Variants in SV2C observed in about 807,000 individuals in gnomAD.
SV2C encodes synaptic vesicle glycoprotein 2C, also known as solute carrier family 22 member B3.
A neutral mutation model predicts 79.7 loss-of-function variants in SV2C; 49 were observed. The observed-to-expected ratio is 0.61, with a 90% CI of 0.49 to 0.78. The LOEUF (loss-of-function observed/expected upper bound fraction) is 0.78. SV2C is among the 30% of genes least tolerant of loss of function. SV2C has a pLI of 0.00. For missense variants in SV2C, 833 were observed against 912.9 expected (o/e 0.91, Z 1.13); for synonymous variants, 334 against 333.2 (o/e 1.00, Z -0.03).
chr5:76,208,998 T>C (rs550826460), intron 3 of SV2C, among the ~76,000 whole-genome samples: 1 of 152,322 alleles, frequency 6.6e-6, no homozygotes, highest in South Asian at 2.1e-4. Context: ...TAGAGGTCAC[T>C]GTTTCTGTCA....
chr5:75,861,771 C>T, the SV2C span, among the ~76,000 whole-genome samples: 2 of 152,154 alleles, frequency 1.3e-5, no homozygotes, highest in Non-Finnish European at 2.9e-5. Context: ...ACATTGGGTA[C>T]TCAGGGACAT....
chr5:76,258,981 T>C (rs1358972404), intron 4 of SV2C, among the ~76,000 whole-genome samples: 3 of 152,244 alleles, frequency 2.0e-5, no homozygotes, highest in Non-Finnish European at 4.4e-5. Context: ...GCTCTGTAGT[T>C]TGTTCCTTTT....
chr5:76,294,683 T>C (rs912683866), intron 8 of SV2C, among the ~76,000 whole-genome samples: 2 of 152,336 alleles, frequency 1.3e-5, no homozygotes, highest in Non-Finnish European at 1.5e-5. Context: ...GTATTTTATA[T>C]TTATAGTATA....
chr5:76,032,979 G>A, the SV2C span, among the ~76,000 whole-genome samples: 107 of 152,222 alleles, frequency 7.0e-4, 2 homozygotes, highest in East Asian at 0.02. Flanking sequence ...GTTTTGATTT[G>A]CATTTCTCTG....
intron 1 of SV2C, among the ~76,000 whole-genome samples, chr5:76,113,011 A>G (rs1240811781): frequency 6.6e-6 from 1 of 152,202 alleles, no homozygotes; most frequent in Non-Finnish European, 1.5e-5. Flanking sequence ...AAGGCATTGG[A>G]ATCTGTTTTT....
the SV2C span, among the ~76,000 whole-genome samples, chr5:75,996,201 A>G: frequency 6.6e-6 from 1 of 152,162 alleles, no homozygotes; most frequent in African/African-American, 2.4e-5. Flanking sequence ...CTTTCTACAT[A>G]TGGCTAGCCA....
the SV2C span, among the ~76,000 whole-genome samples, chr5:76,010,524 CT>C: frequency 1.3e-5 from 2 of 152,082 alleles, no homozygotes; most frequent in Non-Finnish European, 2.9e-5. Context: ...AAGAAATCAT[CT>C]TTTTCCTCCT....
At chr5:76,318,657 G>A (rs568256631) in intron 12 of SV2C, among the ~76,000 whole-genome samples, 6 of 152,270 alleles carry the variant, frequency 3.9e-5, no homozygotes, top group African/African-American at 1.2e-4. Flanking sequence ...CAAGGCAGCT[G>A]CAGTCACAGG....
the SV2C span, among the ~76,000 whole-genome samples, chr5:75,962,974 T>A: frequency 6.6e-6 from 1 of 152,020 alleles, no homozygotes; most frequent in Admixed American, 6.6e-5. Flanking sequence ...GTTAATATCA[T>A]CACCTGCTCA....
chr5:75,942,854 T>A, the SV2C span, among the ~76,000 whole-genome samples: 2 of 152,140 alleles, frequency 1.3e-5, no homozygotes, highest in Non-Finnish European at 2.9e-5. Flanking sequence ...GTTGACACTG[T>A]GTTAATCGAA....
intron 2 of SV2C, among the ~76,000 whole-genome samples, chr5:76,194,335 G>T (rs1433002700): frequency 6.6e-6 from 1 of 152,178 alleles, no homozygotes; most frequent in South Asian, 2.1e-4. Context: ...CTTCTGAGAG[G>T]CATGAGCGGC....
chr5:75,998,630 G>T, the SV2C span, among the ~76,000 whole-genome samples: 2 of 151,932 alleles, frequency 1.3e-5, no homozygotes, highest in African/African-American at 4.8e-5. Context: ...GTGTGAGTGT[G>T]TATGTGAGTG....
At chr5:76,123,529 A>G (rs1290608145) in intron 1 of SV2C, among the ~76,000 whole-genome samples, 2 of 152,202 alleles carry the variant, frequency 1.3e-5, no homozygotes, top group African/African-American at 2.4e-5. Context: ...CTTATCCACC[A>G]TGATCAAGTG....
At chr5:76,139,118 CA>C (rs35031412) in intron 2 of SV2C, among the ~76,000 whole-genome samples, 24,938 of 131,338 alleles carry the variant, frequency 0.19, 2,174 homozygotes, top group East Asian at 0.41. Flanking sequence ...GACTCCATCT[CA>C]AAAAAAAAAA....
chr5:75,968,669 G>A, the SV2C span, among the ~76,000 whole-genome samples: 2 of 152,192 alleles, frequency 1.3e-5, no homozygotes, highest in Non-Finnish European at 2.9e-5. Flanking sequence ...AGAAATATGG[G>A]ACTATGTGAA....
intron 4 of SV2C, among the ~76,000 whole-genome samples, chr5:76,225,679 A>G (rs1180698206): frequency 1.3e-5 from 2 of 152,180 alleles, no homozygotes; most frequent in African/African-American, 2.4e-5. Context: ...AGTCTTTCCA[A>G]TGATTAGTAG....
In SV2C at chr5:76,243,012, TAAAAAAAAAAA is replaced by T. The variant is rs559052290; in HGVS notation, c.913+33143_913+33153del. ...CTGTGCAACAGATCGAGACCCCATC[TAAAAAAAAAAA>T]AAAAAAAAAAAAAAAAAGACAAAAA... On this transcript the variant is annotated intron_variant, in intron 4 of 12. Coordinates refer to ENST00000502798, the MANE Select transcript of SV2C (RefSeq NM_014979.4). Among the ~76,000 whole-genome samples the T allele has an allele frequency of 5.1e-3, 257 of 49,934 alleles. 11 individuals are homozygous for T. The East Asian group carries it at 0.16, about 31-fold the overall frequency. 32.8% of individuals were successfully genotyped at this position (49,934 alleles called of 152,430 possible).
the SV2C span, among the ~76,000 whole-genome samples, chr5:75,978,110 G>T: frequency 6.6e-6 from 1 of 152,092 alleles, no homozygotes; most frequent in African/African-American, 2.4e-5. Flanking sequence ...AATTGCTCTT[G>T]CCAAGGTCAC....
chr5:75,855,009 C>G, the SV2C span, among the ~76,000 whole-genome samples: 1 of 152,180 alleles, frequency 6.6e-6, no homozygotes, highest in Non-Finnish European at 1.5e-5. Flanking sequence ...CAGCTCTACT[C>G]TGTCTTTATT....
Sources: allele counts gnomAD v4.1 joint callset (sites outside exome capture counted in the v4.1 genomes callset), GRCh38; gene constraint gnomAD v4.1.1; transcripts MANE v1.5; gene names NCBI Gene and HGNC (gene_info 2026-07-23, HGNC 2026-07-21).